SAMD5: variants seen among roughly 807,000 people sequenced by gnomAD.
The protein encoded by SAMD5 is sterile alpha motif domain-containing protein 5.
Under a neutral mutation model 11.3 loss-of-function variants are expected in SAMD5, and 13 were observed. The ratio of observed to expected loss-of-function variants is 1.15; its 90% CI spans 0.75 to 1.83. The LOEUF is 1.83. Ranked by LOEUF, SAMD5 falls within the 40% of genes most tolerant of loss-of-function variation. The pLI, the probability that SAMD5 is intolerant of heterozygous loss-of-function variation, is 0.00. For missense variants in SAMD5, 255 were observed against 239.1 expected, an observed-to-expected ratio of 1.07 and a Z score of -0.44; for synonymous variants, 129 against 111.3, an observed-to-expected ratio of 1.16 and a Z score of -1.00.
At chr6:147,664,135 GTATC>G (rs1790684824) in intron 1 of SAMD5, among the ~76,000 whole-genome samples, 1 of 152,034 alleles carries the variant, frequency 6.6e-6, no homozygotes, top group Admixed American at 6.6e-5. Flanking sequence ...CATTCAGCCT[GTATC>G]ATCTCTATTT....
intron 1 of SAMD5, among the ~76,000 whole-genome samples, chr6:147,705,115 T>C (rs1383298692): frequency 6.6e-6 from 1 of 152,216 alleles, no homozygotes; most frequent in Non-Finnish European, 1.5e-5. Context: ...GTAAGAAAAC[T>C]GGAGAAGGAA....
chr6:147,666,217 G>A (rs536002150), intron 1 of SAMD5, among the ~76,000 whole-genome samples: 2 of 152,338 alleles, frequency 1.3e-5, no homozygotes, highest in East Asian at 3.9e-4. Context: ...GATTATAGGC[G>A]TGAGCCACCG....
At chr6:147,912,176 A>C in the SAMD5 span, among the ~76,000 whole-genome samples, 2 of 152,096 alleles carry the variant, frequency 1.3e-5, no homozygotes, top group African/African-American at 4.8e-5. Flanking sequence ...AGCTTACTCT[A>C]AGAAGCACAA....
chr6:147,948,908 T>C, the SAMD5 span, among the ~76,000 whole-genome samples: 1 of 152,192 alleles, frequency 6.6e-6, no homozygotes, highest in African/African-American at 2.4e-5. Context: ...ATATGGGATT[T>C]TGACCCCATG....
the SAMD5 span, among the ~76,000 whole-genome samples, chr6:147,783,145 T>C: frequency 1.3e-5 from 2 of 152,142 alleles, no homozygotes; most frequent in African/African-American, 4.8e-5. Context: ...ATAGCAGAAA[T>C]TGCAATGTTT....
chr6:147,867,279 GTT>G, the SAMD5 span, among the ~76,000 whole-genome samples: 70,688 of 115,336 alleles, frequency 0.61, 19,887 homozygotes, highest in Non-Finnish European at 0.67. Context: ...GGTCAAAAAG[GTT>G]TTTTTTTTTT....
chr6:147,674,056 G>C (rs1240139106), intron 1 of SAMD5, among the ~76,000 whole-genome samples: 2 of 152,170 alleles, frequency 1.3e-5, no homozygotes, highest in East Asian at 3.9e-4. Flanking sequence ...ATGTTGTGCT[G>C]TAAATGTAAA....
intron 1 of SAMD5, among the ~76,000 whole-genome samples, chr6:147,668,935 C>A (rs1790758613): frequency 6.6e-6 from 1 of 152,122 alleles, no homozygotes; most frequent in Non-Finnish European, 1.5e-5. Context: ...ATTAAAAATA[C>A]TTTTTGTCAA....
downstream of SAMD5, among the ~76,000 whole-genome samples, chr6:147,571,484 C>T (rs844586): frequency 0.046 from 7,003 of 151,948 alleles, 206 homozygotes; most frequent in African/African-American, 0.088. Context: ...ACCCGCACCC[C>T]GCCCCCCTGC....
chr6:147,656,883 C>T (rs895369002), intron 1 of SAMD5, among the ~76,000 whole-genome samples: 14 of 141,930 alleles, frequency 9.9e-5, no homozygotes, highest in Admixed American at 6.0e-4. Flanking sequence ...AGATAAACCT[C>T]CAACAATACA....
At chr6:147,706,649 T>C (rs9485216) in intron 1 of SAMD5, among the ~76,000 whole-genome samples, 12,517 of 152,266 alleles carry the variant, frequency 0.082, 553 homozygotes, top group Middle Eastern at 0.13. Flanking sequence ...TTCTTGGGGA[T>C]GTGAAGCCTG....
At chr6:147,747,860 G>T in the SAMD5 span, among the ~76,000 whole-genome samples, 1 of 152,022 alleles carries the variant, frequency 6.6e-6, no homozygotes, top group South Asian at 2.1e-4. Flanking sequence ...ACCATTTTCT[G>T]TCATTTTCAA....
chr6:147,819,765 C>T, the SAMD5 span, among the ~76,000 whole-genome samples: 6 of 152,084 alleles, frequency 3.9e-5, no homozygotes, highest in Non-Finnish European at 5.9e-5. Context: ...GCCTGAGAGC[C>T]GAGGCAGGGA....
chr6:147,568,671 G>C lies in SAMD5; in HGVS notation c.*4215G>C, dbSNP rs1789083122. 1.0e-6 allele frequency: 1 copy of C among 985,254 alleles called. No individual in the cohort carries two copies. Among genetic ancestry groups the C allele is most frequent in the Non-Finnish European group, 1.2e-6 (1 of 829,894 alleles). The allele number at this position is 985,254 out of a possible 1,614,324, so 61.0% of individuals were successfully genotyped here. Reference sequence around the variant, plus strand: ...TTTATTAAATCAAATGAGTTGTGCAGAGCAGAGCAAATCTATTAGGCTTTC... The same window carrying C: ...TTTATTAAATCAAATGAGTTGTGCACAGCAGAGCAAATCTATTAGGCTTTC... On this transcript the variant is annotated 3_prime_UTR_variant, in exon 2 of 2. Transcript: ENST00000367474.
In SAMD5 at chr6:147,568,673, G is replaced by T; in HGVS notation, c.*4217G>T. On this transcript the variant is annotated 3_prime_UTR_variant, in exon 2 of 2. Transcript: ENST00000367474. ...TATTAAATCAAATGAGTTGTGCAGA[G>T]CAGAGCAAATCTATTAGGCTTTCTC... The T allele has an allele frequency of 2.0e-6, 2 of 985,368 alleles. No individual in the cohort carries two copies. The highest frequency in any genetic ancestry group is 2.4e-6 in the Non-Finnish European group (2 of 829,892). 61.0% of individuals were successfully genotyped at this position (985,368 alleles called of 1,614,324 possible).
At chr6:147,716,415 C>A (rs1244340425) in intron 1 of SAMD5, among the ~76,000 whole-genome samples, 1 of 152,222 alleles carries the variant, frequency 6.6e-6, no homozygotes, top group African/African-American at 2.4e-5. Context: ...CCTTCCCAGG[C>A]CCCTGAGAGT....
rs1284176625 is a variant in SAMD5, at chr6:147,567,123, T to G, written c.*2667T>G. 4.1e-6 allele frequency: 4 copies of G among 983,618 alleles called. No individual in the cohort carries two copies. In the Admixed American group the frequency reaches 2.5e-4, roughly 60 times the overall value. The allele number at this position is 983,618 out of a possible 1,614,324, so 60.9% of individuals were successfully genotyped here. A position where few individuals can be genotyped will look rare whatever the true frequency, so the allele number is the denominator to read the frequency against. On this transcript the variant is annotated 3_prime_UTR_variant, in exon 2 of 2. Coordinates refer to ENST00000367474, the MANE Select transcript of SAMD5 (RefSeq NM_001030060.3). ...ATAGCAAAATTTTCTTTAGTTCATC[T>G]TAAAATTTAGGGAGGTAAAAAAAGA...
At position 147,673,510 on chromosome 6, in the gene SAMD5, G is replaced by A. The variant is rs111602191; in HGVS notation, c.163-63807G>A. ...TTACAGGTGTGAGCCACCGCACCCC[G>A]CCAAAAACCATTTTTTAAAATAAGA... is the stretch of plus-strand genomic sequence containing the variant. On this transcript the variant is annotated intron_variant, in intron 1 of 1. Transcript: ENST00000566741. 4.0e-3 allele frequency among the ~76,000 whole-genome samples: 615 copies of A among 152,110 alleles called. 4 individuals carry two copies. The highest frequency in any genetic ancestry group is 7.3e-3 in the Non-Finnish European group (493 of 67,982).
At chr6:147,841,260 G>C in the SAMD5 span, among the ~76,000 whole-genome samples, 1 of 152,092 alleles carries the variant, frequency 6.6e-6, no homozygotes, top group Non-Finnish European at 1.5e-5. Context: ...GCTTATTTAA[G>C]GTTAGATTAT....
Sources: allele counts gnomAD v4.1 joint callset (sites outside exome capture counted in the v4.1 genomes callset), GRCh38; gene constraint gnomAD v4.1.1; transcripts MANE v1.5; gene names NCBI Gene and HGNC (gene_info 2026-07-23, HGNC 2026-07-21).